The following FAM221B variants were observed in gnomAD, a reference collection of about 807,000 sequenced individuals.
FAM221B encodes the protein family with sequence similarity 221 member B, also known as protein FAM221B.
A neutral mutation model predicts 39.8 loss-of-function variants in FAM221B; 35 were observed. The observed-to-expected ratio is 0.88, with a 90% CI of 0.67 to 1.17. The LOEUF is 1.17. FAM221B is among the 50% of genes most tolerant of loss of function. FAM221B has a pLI of 0.00. For synonymous variants in FAM221B, 158 were observed against 178.1 expected (o/e 0.89, Z 0.90); for missense variants, 479 against 503.1 (o/e 0.95, Z 0.46).
intron 1 of FAM221B, among the ~76,000 whole-genome samples, chr9:35,827,820 TTGAAGGGGATGTTTG>T (rs1829441011): frequency 6.6e-6 from 1 of 152,132 alleles, no homozygotes; most frequent in South Asian, 2.1e-4. Context: ...CAGAGCCTTT[TTGAAGGGGATGTTTG>T]GGAAGGGAAT....
rs531866398 is a variant in FAM221B, at chr9:35,818,486, A to G, written c.1192T>C (p.Trp398Arg). 183 of 1,551,632 alleles carry G rather than the reference A, an allele frequency of 1.2e-4. 2 individuals carry two copies. In the South Asian group the frequency reaches 1.3e-3, roughly 11 times the overall value. ...GGCCAGACTCACAAAGGCCTGTGCC[A>G]GTTGCTGACAGTGTCTGTCCCTGGA... Reference protein sequence around the residue: ...RPRGTDTVSNWHRPL With the variant: ...RPRGTDTVSNRHRPL The change falls in exon 7 of 7, where the codon TGG becomes CGG. Residue 398 changes from tryptophan to arginine, a missense_variant. By Grantham distance (101) the Trp-to-Arg change is moderately radical. Transcript: ENST00000423537.
At chr9:35,821,696 CG>C (rs1829156214) in intron 3 of FAM221B, 15 of 1,177,426 alleles carry the variant, frequency 1.3e-5, no homozygotes, top group African/African-American at 1.6e-5. Context: ...CTCGGAGGGC[CG>C]GGGGGCAGTC....
chr9:35,819,172 A>G (rs1254875782), intron 5 of FAM221B, 25 bp downstream of exon 5: 27 of 1,547,074 alleles, frequency 1.7e-5, no homozygotes, highest in Non-Finnish European at 2.3e-5. Flanking sequence ...CCTGCTCCCA[A>G]TACACCTCTT....
chr9:35,816,519 C>G lies in FAM221B; in HGVS notation c.*1950G>C, dbSNP rs951558391. The G allele has an allele frequency of 6.6e-6, 1 of 151,186 alleles. No individual in the cohort carries two copies. The highest frequency in any genetic ancestry group is 1.5e-5 in the Non-Finnish European group (1 of 67,920). The allele number at this position is 151,186 out of a possible 1,614,324, so 9.4% of individuals were successfully genotyped here. ...TAATATGTATTGCATATGATACTAACCCATGTGTAATCAATTTTTCATATT... is the reference window on the plus strand; with the variant it reads ...TAATATGTATTGCATATGATACTAAGCCATGTGTAATCAATTTTTCATATT... On this transcript the variant is annotated 3_prime_UTR_variant, in exon 7 of 7. Transcript: ENST00000423537.
At chr9:35,819,519 G>GT in intron 4 of FAM221B, 125 bp from the exon 5 acceptor site, 1 of 856,706 alleles carries the variant, frequency 1.2e-6, no homozygotes, top group Non-Finnish European at 1.8e-6. Flanking sequence ...TTGAGATGGA[G>GT]TTTTGCTCTG....
chr9:35,825,753 C>G lies in FAM221B; in HGVS notation c.409G>C (p.Val137Leu). ...TGGGTAGACCTCCTTGTCCATGGGACCTCATTGGAAGAAGACTCAGAGGAG... is the reference window on the plus strand; with the variant it reads ...TGGGTAGACCTCCTTGTCCATGGGAGCTCATTGGAAGAAGACTCAGAGGAG... ...DLSSESSSNE[V>L]PWTRRSTHLS... Residue 137 changes from valine to leucine, a missense_variant, in exon 2 of 7, where the codon GTC becomes CTC. Physicochemically the swap from Val to Leu is conservative, Grantham distance 32. Transcript: ENST00000423537. This position sits in a 1 kb window ranked among gnomAD's most constrained non-coding sequence, Gnocchi z 4.2. The G allele has an allele frequency of 6.2e-7, 1 of 1,614,114 alleles. No homozygotes were observed. The highest frequency in any genetic ancestry group is 1.1e-5 in the South Asian group (1 of 91,074).
Position 35,825,747 on chromosome 9 carries a change from A to G in FAM221B, c.415T>C (p.Trp139Arg). The change falls in exon 2 of 7, where the codon TGG becomes CGG. Residue 139 changes from tryptophan (W) to arginine (R), a missense_variant. Coordinates refer to ENST00000423537, the MANE Select transcript of FAM221B (RefSeq NM_001012446.4). This position sits in a 1 kb window ranked among gnomAD's most constrained non-coding sequence, Gnocchi z 4.2. ...SSESSSNEVPWTRRSTHLSES... is the reference protein window; with the variant it reads ...SSESSSNEVPRTRRSTHLSES... ...GAGAGATGGGTAGACCTCCTTGTCC[A>G]TGGGACCTCATTGGAAGAAGACTCA... 5.6e-6 allele frequency: 9 copies of G among 1,614,190 alleles called. No homozygotes were observed. The highest frequency in any genetic ancestry group is 6.8e-6 in the Non-Finnish European group (8 of 1,180,030).
chr9:35,818,503 G>A lies in FAM221B; in HGVS notation c.1175C>T (p.Thr392Ile). 6.4e-7 allele frequency: 1 copy of A among 1,551,748 alleles called. No individual in the cohort carries two copies. ...CCTGTGCCAGTTGCTGACAGTGTCT[G>A]TCCCTGGAGGAAGAAAGAGCAGAGG... ...TRQRGGRPRGTDTVSNWHRPL is the reference protein window; with the variant it reads ...TRQRGGRPRGIDTVSNWHRPL The change falls in exon 7 of 7, where the codon ACA (threonine) becomes ATA (isoleucine). Residue 392 changes from threonine to isoleucine, a missense_variant. Thr to Ile is a moderately conservative substitution (Grantham distance 89). Transcript: ENST00000423537.
rs781765144 is a variant in FAM221B at position 35,825,297 on chromosome 9, C to T, written c.675G>A (p.Glu225=). ...AAAGATTGTTCACTTGAGCACCAAA[C>T]TCCTCTCTATGCATTGCCTTAGCCA... is the stretch of plus-strand genomic sequence containing the variant. ...VEVAKAMHRE[E]FGAQVNNLFQ... is the part of the protein sequence containing the mutation. The change falls in exon 3 of 7, where the codon GAG becomes GAA. Residue 225 remains glutamate, a synonymous_variant. Coordinates refer to ENST00000423537, the MANE Select transcript of FAM221B (RefSeq NM_001012446.4). This position sits in a 1 kb window ranked among gnomAD's most constrained non-coding sequence, Gnocchi z 4.2. The T allele has an allele frequency of 3.1e-6, 5 of 1,614,272 alleles. No individual in the cohort carries two copies. Among genetic ancestry groups the T allele is most frequent in the Non-Finnish European group, 4.2e-6 (5 of 1,180,048 alleles).
intron 3 of FAM221B, among the ~76,000 whole-genome samples, chr9:35,820,839 CT>C (rs1829133814): frequency 6.6e-6 from 1 of 152,174 alleles, no homozygotes; most frequent in South Asian, 2.1e-4. Context: ...GAATCCCTGG[CT>C]TCGTGACTAG....
Position 35,822,628 on chromosome 9 carries a change from C to T in FAM221B, c.742+2602G>A, listed in dbSNP as rs1057317166. 5.9e-5 allele frequency among the ~76,000 whole-genome samples: 9 copies of T among 152,240 alleles called. No individual in the cohort carries two copies. The South Asian group carries it at 1.2e-3, about 21-fold the overall frequency. On this transcript the variant is annotated intron_variant, in intron 3 of 6. Transcript: ENST00000423537. ...TTCACCATGTTGTCCAGGCTGGTCT[C>T]GAGCTCCTAGCCTCAGGTGATCCAC...
chr9:35,824,684 G>T (rs1217436619), intron 3 of FAM221B, among the ~76,000 whole-genome samples: 118 of 140,722 alleles, frequency 8.4e-4, no homozygotes, highest in Non-Finnish European at 1.2e-3. Context: ...TTGTTTTTTG[G>T]TTTTTTTTTT....
intron 3 of FAM221B, chr9:35,821,548 T>C: frequency 7.3e-7 from 1 of 1,367,888 alleles, no homozygotes; most frequent in Non-Finnish European, 9.8e-7. Flanking sequence ...CAGGGAGGCT[T>C]TGTTGAGAGA....
intron 3 of FAM221B, among the ~76,000 whole-genome samples, chr9:35,824,744 C>T (rs1829268195): frequency 1.3e-5 from 2 of 150,402 alleles, no homozygotes; most frequent in South Asian, 4.2e-4. Context: ...TGCAGTGGCG[C>T]AATCTCGGCT....
chr9:35,826,699 C>T (rs1829378435), intron 1 of FAM221B: 1 of 155,136 alleles, frequency 6.4e-6, no homozygotes, highest in Admixed American at 6.3e-5. Flanking sequence ...ATGTTCAAAG[C>T]TTTAACTACT....
In FAM221B at chr9:35,818,399, A is replaced by C; in HGVS notation, c.*70T>G. The C allele has an allele frequency of 7.1e-7, 1 of 1,414,090 alleles. No homozygotes were observed. The allele number at this position is 1,414,090 out of a possible 1,614,324, so 87.6% of individuals were successfully genotyped here. On this transcript the variant is annotated 3_prime_UTR_variant, in exon 7 of 7. Coordinates refer to ENST00000423537, the MANE Select transcript of FAM221B (RefSeq NM_001012446.4). ...TTAGGCAGTCTCTCCCTGGGCTGGGATCTACCTGCCCCATATAGAGCCAAG... is the reference window on the plus strand; with the variant it reads ...TTAGGCAGTCTCTCCCTGGGCTGGGCTCTACCTGCCCCATATAGAGCCAAG...
Position 35,825,644 on chromosome 9 carries a change from T to A in FAM221B, c.518A>T (p.Glu173Val). The change falls in exon 2 of 7, where the codon GAG (glutamate) becomes GTG (valine). Residue 173 changes from glutamate (E) to valine (V), a missense_variant. By Grantham distance (121) the Glu-to-Val change is moderately radical (BLOSUM62 -2). Transcript: ENST00000423537. The surrounding 1 kb of genome is among the most constrained non-coding windows in gnomAD (Gnocchi z 4.2). ...QVQVDTTEKQ[E>V]EEAGEVEKGV... ...CTTTTCAACCTCTCCTGCTTCTTCC[T>A]CCTGCTTTTCGGTTGTGTCCACTTG... is the stretch of plus-strand genomic sequence containing the variant. 3 of 1,614,260 alleles carry A rather than the reference T, an allele frequency of 1.9e-6. No individual in the cohort carries two copies. The highest frequency in any genetic ancestry group is 2.5e-6 in the Non-Finnish European group (3 of 1,180,048).
intron 4 of FAM221B, 21 bp from the exon 5 acceptor site, chr9:35,819,415 G>A: frequency 6.5e-7 from 1 of 1,547,804 alleles, no homozygotes; most frequent in South Asian, 1.2e-5. Context: ...GGGGATGGAT[G>A]GTAGGGTTAA....
chr9:35,820,469 C>T (rs1266820510), intron 3 of FAM221B, among the ~76,000 whole-genome samples: 1 of 152,098 alleles, frequency 6.6e-6, no homozygotes, highest in Non-Finnish European at 1.5e-5. Flanking sequence ...GGGATTGGCT[C>T]CTAAGGAGCA....
Sources: allele counts gnomAD v4.1 joint callset (sites outside exome capture counted in the v4.1 genomes callset), GRCh38; gene constraint gnomAD v4.1.1; non-coding constraint Gnocchi (gnomAD v3.1); transcripts MANE v1.5; gene names NCBI Gene and HGNC (gene_info 2026-07-23, HGNC 2026-07-21).